FGGY: variants seen among roughly 807,000 people sequenced by gnomAD.
The protein encoded by FGGY is FGGY carbohydrate kinase domain-containing protein.
A neutral mutation model predicts 71.3 loss-of-function variants in FGGY; 72 were observed. The observed-to-expected ratio is 1.01, with a 90% CI of 0.84 to 1.23. The LOEUF (loss-of-function observed/expected upper bound fraction) is 1.23, where lower values mean the gene tolerates loss of function less well. FGGY is among the 50% of genes most tolerant of loss of function. FGGY has a pLI of 0.00. For synonymous variants in FGGY, 251 were observed against 250.3 expected, an observed-to-expected ratio of 1.00 and a Z score of -0.02; for missense variants, 668 against 682.3, an observed-to-expected ratio of 0.98 and a Z score of 0.23.
chr1:59,600,258 G>A (rs75968951), intron 8 of FGGY, among the ~76,000 whole-genome samples: 3 of 152,168 alleles, frequency 2.0e-5, no homozygotes, highest in Non-Finnish European at 4.4e-5. Context: ...AGATGAGAGC[G>A]ATGAATGATC....
At chr1:59,596,286 T>G (rs1407663402) in intron 8 of FGGY, among the ~76,000 whole-genome samples, 3 of 152,052 alleles carry the variant, frequency 2.0e-5, no homozygotes, top group Non-Finnish European at 2.9e-5. Flanking sequence ...TGTGTGATTT[T>G]TTTTTTCTTT....
At chr1:59,344,301 T>G (rs928355017) in intron 3 of FGGY, among the ~76,000 whole-genome samples, 2 of 149,938 alleles carry the variant, frequency 1.3e-5, no homozygotes, top group Non-Finnish European at 2.9e-5. Flanking sequence ...TGGCTTTTTT[T>G]GTTGTTTTTT....
rs1253134513 is a variant in FGGY, at chr1:59,512,296, C to T, written c.671-15C>T. The T allele has an allele frequency of 2.5e-6, 4 of 1,579,408 alleles. No homozygotes were observed. In the Admixed American group the frequency reaches 5.7e-5, roughly 22 times the overall value. On this transcript the variant is annotated splice_polypyrimidine_tract_variant and intron_variant, in intron 6 of 15. Transcript: ENST00000303721. ...TTCAAACTGATGGTGTTTGTTTTTTCTCATGTCTACCCAGGAAACCAAGTG... is the reference window on the plus strand; with the variant it reads ...TTCAAACTGATGGTGTTTGTTTTTTTTCATGTCTACCCAGGAAACCAAGTG...
At chr1:59,593,778 C>A (rs1396307034) in intron 8 of FGGY, among the ~76,000 whole-genome samples, 1 of 152,182 alleles carries the variant, frequency 6.6e-6, no homozygotes, top group Non-Finnish European at 1.5e-5. Flanking sequence ...AGCACAGTAT[C>A]TTTTTCATCT....
chr1:59,553,161 G>A (rs545242544), intron 7 of FGGY, among the ~76,000 whole-genome samples: 2 of 152,156 alleles, frequency 1.3e-5, no homozygotes, highest in Non-Finnish European at 2.9e-5. Context: ...GAGCAAACGT[G>A]GCATTGCCTG....
intron 5 of FGGY, among the ~76,000 whole-genome samples, chr1:59,424,020 A>G (rs1411217103): frequency 2.0e-5 from 3 of 152,250 alleles, no homozygotes; most frequent in East Asian, 1.9e-4. Flanking sequence ...TACTTACTAC[A>G]TAGGCCACTT....
intron 4 of FGGY, among the ~76,000 whole-genome samples, chr1:59,363,033 T>G (rs933067009): frequency 6.6e-6 from 1 of 152,182 alleles, no homozygotes; most frequent in Admixed American, 6.5e-5. Flanking sequence ...AAAAAAGAGC[T>G]AAGGGTCTAG....
rs1304786032 is a variant in FGGY at position 59,607,841 on chromosome 1, G to C, written c.942G>C (p.Gly314=). Residue 314 remains glycine, a synonymous_variant, in exon 9 of 16, where the codon GGG becomes GGC. Coordinates refer to ENST00000303721, the MANE Select transcript of FGGY (RefSeq NM_018291.5). ...CGATTTTTGTACCAGGCGTCTGGGG[G>C]CCTTATTTCTCAGCCATGGTACCTG... ...KDPIFVPGVW[G]PYFSAMVPGF... 6.2e-7 allele frequency: 1 copy of C among 1,613,946 alleles called. No individual in the cohort carries two copies. Among genetic ancestry groups the C allele is most frequent in the Admixed American group, 1.7e-5 (1 of 59,992 alleles).
At chr1:59,302,067 A>T (rs1183714545) in intron 1 of FGGY, among the ~76,000 whole-genome samples, 1 of 151,734 alleles carries the variant, frequency 6.6e-6, no homozygotes, top group African/African-American at 2.4e-5. Context: ...AAGATTCTTA[A>T]TGTGGTGAAT....
intron 5 of FGGY, among the ~76,000 whole-genome samples, chr1:59,434,879 A>G (rs2068096351): frequency 6.6e-6 from 1 of 152,168 alleles, no homozygotes; most frequent in African/African-American, 2.4e-5. Context: ...TTGCCAACCT[A>G]AAGACATTCA....
intron 8 of FGGY, among the ~76,000 whole-genome samples, chr1:59,603,560 A>G (rs2096597130): frequency 6.6e-6 from 1 of 152,330 alleles, no homozygotes; most frequent in East Asian, 1.9e-4. Flanking sequence ...CCCAGCATTC[A>G]TGCATTCCTC....
At chr1:59,428,681 A>G (rs961785944) in intron 5 of FGGY, among the ~76,000 whole-genome samples, 1 of 152,186 alleles carries the variant, frequency 6.6e-6, no homozygotes, top group African/African-American at 2.4e-5. Flanking sequence ...TCCAGATAAA[A>G]CATCCTATAG....
chr1:59,313,623 C>G (rs1338569611), intron 1 of FGGY, among the ~76,000 whole-genome samples: 1 of 151,982 alleles, frequency 6.6e-6, no homozygotes, highest in African/African-American at 2.4e-5. Flanking sequence ...TACTACTCAG[C>G]CATAAAAAGG....
At chr1:59,578,043 C>T (rs1373314654) in intron 8 of FGGY, among the ~76,000 whole-genome samples, 7 of 152,050 alleles carry the variant, frequency 4.6e-5, no homozygotes, top group Non-Finnish European at 1.0e-4. Context: ...CTAAACGTCA[C>T]CCTGAGGATA....
At chr1:59,635,539 C>T (rs908303952) in intron 10 of FGGY, among the ~76,000 whole-genome samples, 1 of 135,570 alleles carries the variant, frequency 7.4e-6, no homozygotes, top group African/African-American at 2.9e-5. Context: ...GATTTATAGA[C>T]ATGCGTTTCC....
intron 5 of FGGY, among the ~76,000 whole-genome samples, chr1:59,387,782 A>G (rs1270194499): frequency 2.6e-5 from 4 of 152,190 alleles, no homozygotes; most frequent in Non-Finnish European, 5.9e-5. Flanking sequence ...AACCATTTGT[A>G]AATAAATTGC....
At chr1:59,417,867 G>A (rs1304388564) in intron 5 of FGGY, among the ~76,000 whole-genome samples, 1 of 152,160 alleles carries the variant, frequency 6.6e-6, no homozygotes, top group African/African-American at 2.4e-5. Context: ...AGAAAACTTA[G>A]TTCCTCAGTC....
rs556328860 is a variant in FGGY, at chr1:59,574,703, C to T, written c.903+20476C>T. On this transcript the variant is annotated intron_variant, in intron 8 of 15. Transcript: ENST00000303721. ...ATTTCTGTTTAGTGATTTTTCATTG[C>T]TTTTATGAATTACATTGAATTTTCT... 1.2e-4 allele frequency among the ~76,000 whole-genome samples: 19 copies of T among 152,030 alleles called. No individual in the cohort carries two copies. The South Asian group carries it at 3.3e-3, about 27-fold the overall frequency.
chr1:59,736,273 A>T (rs1163086110), intron 14 of FGGY, among the ~76,000 whole-genome samples: 1 of 152,162 alleles, frequency 6.6e-6, no homozygotes, highest in Non-Finnish European at 1.5e-5. Flanking sequence ...GCAGCGTGAA[A>T]ATAGACTAAT....
Sources: allele counts gnomAD v4.1 joint callset (sites outside exome capture counted in the v4.1 genomes callset), GRCh38; gene constraint gnomAD v4.1.1; transcripts MANE v1.5; gene names NCBI Gene and HGNC (gene_info 2026-07-23, HGNC 2026-07-21).